Variants in DPH6 observed in about 807,000 individuals in gnomAD.
DPH6 encodes the protein diphthine--ammonia ligase.
In DPH6, 33 loss-of-function variants were observed where a neutral mutation model predicts 38.2. The observed-to-expected ratio is 0.86, with a 90% CI of 0.65 to 1.15. DPH6 has a LOEUF of 1.15. DPH6 is among the 50% of genes most tolerant of loss of function. The pLI is 0.00. For missense variants in DPH6, 325 were observed against 320.0 expected (o/e 1.02, Z -0.12); for synonymous variants, 108 against 103.0 (o/e 1.05, Z -0.30).
At chr15:35,520,889 A>G in intron 3 of DPH6, 1 of 985,252 alleles carries the variant, frequency 1.0e-6, no homozygotes, top group Non-Finnish European at 1.2e-6. Context: ...CCCTGGAAAA[A>G]CAGTATACAA....
At position 35,467,929 on chromosome 15, in the gene DPH6, T is replaced by A. The variant is rs537796990; in HGVS notation, c.313-13109A>T. Among the ~76,000 whole-genome samples, 21 of 152,336 alleles carry A rather than the reference T, an allele frequency of 1.4e-4. 1 individual carries two copies. The highest frequency in any genetic ancestry group is 5.1e-4 in the African/African-American group (21 of 41,584). ...AGATGGCTGTGATGTCAATAGGAGA[T>A]TGGAATTTTTCAGTTCCATTATAAT... is the stretch of plus-strand genomic sequence containing the variant. On this transcript the variant is annotated intron_variant, in intron 3 of 8. Transcript: ENST00000256538.
At chr15:35,214,081 C>T (rs2051401045), downstream of DPH6, among the ~76,000 whole-genome samples, 1 of 149,816 alleles carries the variant, frequency 6.7e-6, no homozygotes, top group Non-Finnish European at 1.5e-5. Flanking sequence ...CACTGCACTC[C>T]AGCCTGGGCG....
At chr15:35,246,338 A>G (rs1357860260) in intron 3 of DPH6, among the ~76,000 whole-genome samples, 2 of 152,282 alleles carry the variant, frequency 1.3e-5, no homozygotes, top group Middle Eastern at 3.4e-3. Context: ...TGAGCACTTA[A>G]TTGTCAGACA....
chr15:35,211,927 C>T, the DPH6 span, among the ~76,000 whole-genome samples: 1 of 152,182 alleles, frequency 6.6e-6, no homozygotes, highest in South Asian at 2.1e-4. Flanking sequence ...ATAAGGCCTT[C>T]GGCTCTACAT....
intron 3 of DPH6, among the ~76,000 whole-genome samples, chr15:35,252,336 G>A (rs1282538195): frequency 1.3e-5 from 2 of 151,856 alleles, no homozygotes; most frequent in Non-Finnish European, 2.9e-5. Flanking sequence ...AGAGAAACAA[G>A]CCTATAAACA....
chr15:35,361,641 T>C lies in DPH6; in HGVS notation n.207+11880A>G, dbSNP rs996467764. Among the ~76,000 whole-genome samples, 5 of 151,914 alleles carry C rather than the reference T, an allele frequency of 3.3e-5. No homozygotes were observed. The East Asian group carries it at 5.8e-4, about 18-fold the overall frequency. ...CTTTTTTTCTCCCTTTTTTATACTCTGACTCAAAAAATTCAAATGACCTGA... is the reference window on the plus strand; with the variant it reads ...CTTTTTTTCTCCCTTTTTTATACTCCGACTCAAAAAATTCAAATGACCTGA... On this transcript the variant is annotated intron_variant and non_coding_transcript_variant, in intron 3 of 3. Coordinates refer to the DPH6 transcript ENST00000558973.
chr15:35,494,642 C>T (rs1420929557), intron 3 of DPH6, among the ~76,000 whole-genome samples: 1 of 151,982 alleles, frequency 6.6e-6, no homozygotes, highest in Non-Finnish European at 1.5e-5. Flanking sequence ...CAACACAAAA[C>T]TTCAATTGAA....
intron 3 of DPH6, among the ~76,000 whole-genome samples, chr15:35,472,105 CA>C (rs1362635758): frequency 6.6e-6 from 1 of 151,910 alleles, no homozygotes; most frequent in Non-Finnish European, 1.5e-5. Flanking sequence ...AATAGATAAA[CA>C]ACAAAAAAAT....
At chr15:35,177,877 G>A in the DPH6 span, among the ~76,000 whole-genome samples, 2 of 152,190 alleles carry the variant, frequency 1.3e-5, no homozygotes, top group African/African-American at 4.8e-5. Flanking sequence ...GGGAGGCAGA[G>A]GTTGTGGTGA....
chr15:35,309,213 C>A (rs1024443218), intron 3 of DPH6, among the ~76,000 whole-genome samples: 3 of 152,126 alleles, frequency 2.0e-5, no homozygotes, highest in Admixed American at 6.6e-5. Context: ...ATCAGAAATG[C>A]CTAACCAATG....
intron 3 of DPH6, among the ~76,000 whole-genome samples, chr15:35,285,872 G>GGTTTTTT: frequency 1.9e-5 from 1 of 52,814 alleles, no homozygotes; most frequent in African/African-American, 7.5e-5. Flanking sequence ...TTATCTTTGA[G>GGTTTTTT]TTTTTTTTTT....
the DPH6 span, among the ~76,000 whole-genome samples, chr15:35,150,565 G>C: frequency 1.3e-5 from 2 of 152,280 alleles, no homozygotes; most frequent in East Asian, 3.9e-4. Context: ...CGTCTGGAAG[G>C]CAGAGCTCGT....
chr15:35,473,912 C>G (rs2141132249), intron 3 of DPH6, among the ~76,000 whole-genome samples: 1 of 117,972 alleles, frequency 8.5e-6, no homozygotes, highest in East Asian at 2.4e-4. Flanking sequence ...ACACTGTGCA[C>G]AGTGTGTGTG....
At chr15:35,431,874 G>A (rs941908735) in intron 5 of DPH6, among the ~76,000 whole-genome samples, 1 of 151,920 alleles carries the variant, frequency 6.6e-6, no homozygotes, top group Non-Finnish European at 1.5e-5. Context: ...TGCAAGCTCC[G>A]CATCCCAGGT....
At chr15:35,301,037 A>C (rs992935496) in intron 3 of DPH6, among the ~76,000 whole-genome samples, 29 of 152,234 alleles carry the variant, frequency 1.9e-4, no homozygotes, top group East Asian at 7.7e-4. Context: ...GAGCAACAAG[A>C]AAATGGTCTC....
At chr15:35,236,044 T>C (rs1273430279) in intron 3 of DPH6, among the ~76,000 whole-genome samples, 1 of 152,196 alleles carries the variant, frequency 6.6e-6, no homozygotes, top group Non-Finnish European at 1.5e-5. Context: ...TAATCAAGTA[T>C]TTAGATAGAA....
chr15:35,238,267 C>CAAA (rs34671914), intron 3 of DPH6: 42 of 235,256 alleles, frequency 1.8e-4, no homozygotes, highest in East Asian at 5.0e-4. Flanking sequence ...TTTTTACTGC[C>CAAA]AAAAAAAAAA....
chr15:35,228,927 G>A (rs986887198), intron 3 of DPH6, among the ~76,000 whole-genome samples: 2 of 152,158 alleles, frequency 1.3e-5, no homozygotes, highest in Non-Finnish European at 2.9e-5. Context: ...GCATAGTGGA[G>A]CTCCATAGTA....
intron 3 of DPH6, among the ~76,000 whole-genome samples, chr15:35,458,782 A>G (rs2054027639): frequency 6.6e-6 from 1 of 152,200 alleles, no homozygotes; most frequent in Admixed American, 6.5e-5. Flanking sequence ...AACCAACTCA[A>G]CTGAGGTATA....
Sources: allele counts gnomAD v4.1 joint callset (sites outside exome capture counted in the v4.1 genomes callset), GRCh38; gene constraint gnomAD v4.1.1; transcripts MANE v1.5; gene names NCBI Gene and HGNC (gene_info 2026-07-23, HGNC 2026-07-21).